The following ADGRL2 variants were observed in gnomAD, a reference collection of about 807,000 sequenced individuals.
ADGRL2 encodes calcium-independent alpha-latrotoxin receptor 2.
Under a neutral mutation model 157.4 loss-of-function variants are expected in ADGRL2, and 44 were observed. The ratio of observed to expected loss-of-function variants is 0.28; its 90% CI spans 0.22 to 0.36. The LOEUF (loss-of-function observed/expected upper bound fraction) is 0.36, where lower values mean the gene tolerates loss of function less well. ADGRL2 is among the 10% of genes least tolerant of loss of function. The pLI is 1.00. For missense variants in ADGRL2, 1,510 were observed against 1,768.9 expected, an observed-to-expected ratio of 0.85 and a Z score of 2.63; for synonymous variants, 585 against 624.7, an observed-to-expected ratio of 0.94 and a Z score of 0.95.
intron 1 of ADGRL2, among the ~76,000 whole-genome samples, chr1:81,704,277 G>A (rs1174577068): frequency 6.6e-6 from 1 of 152,228 alleles, no homozygotes; most frequent in Non-Finnish European, 1.5e-5. Flanking sequence ...AATGCGTCTG[G>A]AATTACCATT....
At chr1:81,669,190 G>A (rs2082815217) in intron 3 of ADGRL2, among the ~76,000 whole-genome samples, 2 of 151,982 alleles carry the variant, frequency 1.3e-5, no homozygotes, top group African/African-American at 2.4e-5. Flanking sequence ...AATTACATCT[G>A]TAGTATAAAT....
intron 2 of ADGRL2, among the ~76,000 whole-genome samples, chr1:81,551,371 G>A (rs1224610752): frequency 2.6e-5 from 4 of 152,126 alleles, no homozygotes; most frequent in Non-Finnish European, 5.9e-5. Context: ...GTCCCCAAGT[G>A]TAAGGATTTA....
intron 2 of ADGRL2, chr1:81,502,789 C>G: frequency 1.9e-6 from 3 of 1,613,042 alleles, no homozygotes; most frequent in East Asian, 4.5e-5. Context: ...CAGCTCCTCC[C>G]TCTTTGGCTA....
At chr1:81,747,033 CGT>C (rs199939553) in intron 1 of ADGRL2, among the ~76,000 whole-genome samples, 8,112 of 143,010 alleles carry the variant, frequency 0.057, 332 homozygotes, top group Non-Finnish European at 0.08. Context: ...CGTGTATATA[CGT>C]ATATATATGT....
intron 1 of ADGRL2, among the ~76,000 whole-genome samples, chr1:81,368,798 GT>G: frequency 6.6e-6 from 1 of 152,126 alleles, no homozygotes; most frequent in Middle Eastern, 3.4e-3. Context: ...TCACACCATT[GT>G]TTTGCATCGC....
In ADGRL2 at chr1:81,943,107, G is replaced by T. The variant is rs1204800213; in HGVS notation, c.548G>T (p.Arg183Leu). Residue 183 changes from arginine (R) to leucine (L), a missense_variant, in exon 6 of 24, where the codon CGT becomes CTT. Around this residue, in one of 4 missense-constraint regions of ADGRL2, gnomAD observed 361 missense variants for 498.4 expected, o/e 0.72. Transcript: ENST00000686636. This position sits in a 1 kb window ranked among gnomAD's most constrained non-coding sequence, Gnocchi z 5.6. The part of the protein sequence containing the change: ...KIYFMPWTPY[R>L]TDTLIEYASL... ...TATTTCATGCCCTGGACTCCCTATC[G>T]TACCGATACTTTAATAGAATATGCT... 2 of 1,613,364 alleles carry T rather than the reference G, an allele frequency of 1.2e-6. No individual in the cohort carries two copies. Among genetic ancestry groups the T allele is most frequent in the Non-Finnish European group, 1.7e-6 (2 of 1,179,532 alleles).
At chr1:81,845,130 A>G (rs2092735454) in intron 2 of ADGRL2, among the ~76,000 whole-genome samples, 1 of 152,000 alleles carries the variant, frequency 6.6e-6, no homozygotes, top group African/African-American at 2.4e-5. Flanking sequence ...TTATATTCAT[A>G]TTTTCACTTT....
At chr1:81,344,959 C>T (rs1662375652) in intron 1 of ADGRL2, among the ~76,000 whole-genome samples, 1 of 152,102 alleles carries the variant, frequency 6.6e-6, no homozygotes, top group Admixed American at 6.5e-5. Flanking sequence ...ATCAACTTTA[C>T]TCAAAATCTG....
intron 1 of ADGRL2, among the ~76,000 whole-genome samples, chr1:81,387,228 C>T (rs1317723112): frequency 6.6e-6 from 1 of 152,072 alleles, no homozygotes; most frequent in Non-Finnish European, 1.5e-5. Flanking sequence ...TATTAATTGT[C>T]ATCATTATTG....
At chr1:81,451,660 C>T (rs924455787) in intron 2 of ADGRL2, among the ~76,000 whole-genome samples, 1 of 152,082 alleles carries the variant, frequency 6.6e-6, no homozygotes, top group African/African-American at 2.4e-5. Context: ...GAGATTTTGC[C>T]ATTAAGAGTC....
At chr1:81,968,791 C>CT (rs1250864996) in intron 14 of ADGRL2, among the ~76,000 whole-genome samples, 4 of 152,144 alleles carry the variant, frequency 2.6e-5, no homozygotes, top group Non-Finnish European at 4.4e-5. Context: ...AAACTTAAAA[C>CT]TTGGCTTATG....
At chr1:81,920,954 T>G (rs1260451785) in intron 3 of ADGRL2, among the ~76,000 whole-genome samples, 5 of 152,188 alleles carry the variant, frequency 3.3e-5, no homozygotes. Context: ...CCTTTTTCTT[T>G]AATAAAAGTA....
intron 1 of ADGRL2, among the ~76,000 whole-genome samples, chr1:81,710,067 TA>T (rs1052757683): frequency 2.6e-5 from 4 of 152,154 alleles, no homozygotes; most frequent in African/African-American, 7.2e-5. Flanking sequence ...GAAACAAAGC[TA>T]GGGGGAAATA....
chr1:81,756,399 T>C (rs970345254), intron 1 of ADGRL2, among the ~76,000 whole-genome samples: 24 of 152,178 alleles, frequency 1.6e-4, no homozygotes, highest in East Asian at 1.2e-3. Context: ...CATTGTTGCA[T>C]TGGCCACAAT....
chr1:81,876,492 G>T (rs1399329939), intron 2 of ADGRL2, among the ~76,000 whole-genome samples: 2 of 151,790 alleles, frequency 1.3e-5, no homozygotes, highest in Non-Finnish European at 2.9e-5. Flanking sequence ...TTTTTCCTTT[G>T]ATTCTATTAA....
intron 2 of ADGRL2, among the ~76,000 whole-genome samples, chr1:81,889,307 T>G (rs1040000441): frequency 6.6e-6 from 1 of 152,212 alleles, no homozygotes; most frequent in Admixed American, 6.5e-5. Context: ...TGAAGTAAAT[T>G]AAAAGTGCTA....
chr1:81,570,845 C>G (rs1369925234), intron 2 of ADGRL2, among the ~76,000 whole-genome samples: 1 of 152,076 alleles, frequency 6.6e-6, no homozygotes, highest in African/African-American at 2.4e-5. Context: ...GTACAGATTA[C>G]CACTGTGTAG....
rs187420115 is a variant in ADGRL2, at chr1:81,848,584, A to G, written c.73+11527A>G. 3.0e-3 allele frequency among the ~76,000 whole-genome samples: 463 copies of G among 152,056 alleles called. 1 individual carries two copies. The highest frequency in any genetic ancestry group is 5.2e-3 in the Non-Finnish European group (354 of 67,842). On this transcript the variant is annotated intron_variant, in intron 2 of 23. Coordinates refer to ENST00000686636, the MANE Select transcript of ADGRL2 (RefSeq NM_001366006.2). ...AACATTGCATTACTTAATGGTAATT[A>G]TCAAACGAGCTAATTATGTCAGTTT...
intron 1 of ADGRL2, among the ~76,000 whole-genome samples, chr1:81,828,094 C>G (rs2091649479): frequency 6.6e-6 from 1 of 152,176 alleles, no homozygotes. Context: ...GTTGGGCAAA[C>G]TATGGCTAGC....
Sources: gnomAD v4.1 joint callset for allele counts (sites outside exome capture counted in the v4.1 genomes callset) on GRCh38, gnomAD v4.1.1 for gene constraint, gnomAD v4.1.1 regional missense constraint, Gnocchi (gnomAD v3.1) non-coding constraint, MANE v1.5 for transcripts, NCBI Gene and HGNC (gene_info 2026-07-23, HGNC 2026-07-21) for gene names.